Variants in ENTPD7 observed in about 807,000 individuals in gnomAD.
ENTPD7 encodes the protein ectonucleoside triphosphate diphosphohydrolase 7.
Under a neutral mutation model 77.9 loss-of-function variants are expected in ENTPD7, and 53 were observed. That is an observed-to-expected ratio of 0.68 (90% CI 0.55 to 0.85). ENTPD7 has a LOEUF of 0.85. Among genes scored for constraint, ENTPD7 ranks in the 40% least tolerant of loss-of-function variants. The pLI is 0.00. For missense variants in ENTPD7, 636 were observed against 743.7 expected (o/e 0.86, Z 1.68); for synonymous variants, 248 against 274.9 (o/e 0.90, Z 0.97).
chr10:99,688,588 T>G, intron 6 of ENTPD7, 106 bp from the exon 7 acceptor site: 1 of 996,166 alleles, frequency 1.0e-6, no homozygotes, highest in Non-Finnish European at 1.5e-6. Context: ...TAAAATACTA[T>G]GATTACTTTT....
At chr10:99,671,277 A>C (rs2035616691) in intron 3 of ENTPD7, among the ~76,000 whole-genome samples, 1 of 152,158 alleles carries the variant, frequency 6.6e-6, no homozygotes, top group Non-Finnish European at 1.5e-5. Flanking sequence ...CTAAGCTTTG[A>C]AATTTTTAAA....
intron 8 of ENTPD7, among the ~76,000 whole-genome samples, chr10:99,695,608 A>AT (rs11422266): frequency 0.43 from 64,961 of 151,960 alleles, 14,386 homozygotes; most frequent in Middle Eastern, 0.64. Context: ...TTATTAAAGG[A>AT]TGTTTTCCTA....
intron 3 of ENTPD7, among the ~76,000 whole-genome samples, chr10:99,678,776 C>CA (rs11444813): frequency 0.84 from 105,420 of 126,058 alleles, 44,047 homozygotes; most frequent in Middle Eastern, 0.93. Context: ...GACTCCGTCT[C>CA]AAAAAAAAAA....
chr10:99,669,459 T>C (rs2035591157), intron 3 of ENTPD7, among the ~76,000 whole-genome samples: 1 of 152,162 alleles, frequency 6.6e-6, no homozygotes, highest in African/African-American at 2.4e-5. Context: ...ACATTTTTTT[T>C]CTTTATTGTG....
chr10:99,691,031 G>C (rs935169530), intron 7 of ENTPD7, among the ~76,000 whole-genome samples: 1 of 152,106 alleles, frequency 6.6e-6, no homozygotes, highest in Non-Finnish European at 1.5e-5. Context: ...CTGTCACTGA[G>C]GCTAGAGTTT....
intron 12 of ENTPD7, 54 bp downstream of exon 12, chr10:99,702,727 G>A: frequency 6.7e-7 from 1 of 1,483,470 alleles, no homozygotes; most frequent in Admixed American, 2.5e-5. Flanking sequence ...ATCAGTTGAT[G>A]CCTCAGAATC....
At chr10:99,702,480 T>G in intron 11 of ENTPD7, 32 bp from the exon 12 acceptor site, 2 of 1,505,762 alleles carry the variant, frequency 1.3e-6, no homozygotes, top group East Asian at 5.0e-5. Context: ...TCTTTTCTCT[T>G]TTTTTAAAAT....
chr10:99,679,294 T>G lies in ENTPD7; in HGVS notation c.225T>G (p.Thr75=), dbSNP rs781127847. The G allele has an allele frequency of 2.5e-6, 4 of 1,614,088 alleles. No individual in the cohort carries two copies. In the Admixed American group the frequency reaches 6.7e-5, roughly 27 times the overall value. ...YLARVGELEA[T]DTEDPNLNYG... ...CTCGAGTAGGGGAGCTTGAAGCTAC[T>G]GACACTGAAGACCCAAATCTGAATT... The change falls in exon 4 of 13, where the codon ACT becomes ACG. Residue 75 remains threonine (T), a synonymous_variant. Transcript: ENST00000370489.
rs1564625688 is a variant in ENTPD7, at chr10:99,661,563, A to G, written c.126A>G (p.Leu42=). Residue 42 remains leucine, a synonymous_variant, in exon 3 of 13, where the codon TTA becomes TTG. Coordinates refer to ENST00000370489, the MANE Select transcript of ENTPD7 (RefSeq NM_020354.5). The part of the protein sequence containing the change: ...LGLFFISCLL[L]LMLIIDFRHW... ...TCTTCTTCATATCCTGTCTCCTTTT[A>G]CTTATGTTAATCATAGACTTTCGAC... is the stretch of plus-strand genomic sequence containing the variant. The G allele has an allele frequency of 4.3e-6, 7 of 1,613,654 alleles. No individual in the cohort carries two copies. Among genetic ancestry groups the G allele is most frequent in the Non-Finnish European group, 5.1e-6 (6 of 1,179,888 alleles).
At chr10:99,703,840 G>A (rs1450323116) in intron 12 of ENTPD7, among the ~76,000 whole-genome samples, 1 of 152,112 alleles carries the variant, frequency 6.6e-6, no homozygotes, top group Non-Finnish European at 1.5e-5. Flanking sequence ...TCCTGCCTCA[G>A]CCTTCTGAGT....
At chr10:99,685,764 C>T in intron 5 of ENTPD7, 28 bp from the exon 6 acceptor site, 2 of 1,561,822 alleles carry the variant, frequency 1.3e-6, no homozygotes, top group Non-Finnish European at 1.8e-6. Flanking sequence ...TAGTGACTAA[C>T]TTTGGGATTT....
intron 5 of ENTPD7, among the ~76,000 whole-genome samples, chr10:99,685,497 G>A (rs1490709675): frequency 2.0e-5 from 3 of 152,180 alleles, no homozygotes; most frequent in South Asian, 4.1e-4. Flanking sequence ...CTCAGCCTGT[G>A]AGAGTCATAG....
chr10:99,704,367 C>T (rs1339144366), intron 12 of ENTPD7, 85 bp from the exon 13 acceptor site: 1 of 1,306,010 alleles, frequency 7.7e-7, no homozygotes, highest in Non-Finnish European at 1.1e-6. Flanking sequence ...AATGTGATAA[C>T]ACTACTGGGC....
intron 3 of ENTPD7, among the ~76,000 whole-genome samples, chr10:99,671,434 T>C (rs1200386393): frequency 8.5e-6 from 1 of 117,522 alleles, no homozygotes; most frequent in East Asian, 2.5e-4. Context: ...TAAAACTTAT[T>C]TGTTAGAAAT....
At chr10:99,699,131 A>G (rs548681448) in intron 10 of ENTPD7, among the ~76,000 whole-genome samples, 1 of 152,302 alleles carries the variant, frequency 6.6e-6, no homozygotes, top group African/African-American at 2.4e-5. Flanking sequence ...GTGTTGGCTA[A>G]TGGTTTTTCT....
intron 3 of ENTPD7, 125 bp from the exon 4 acceptor site, chr10:99,679,136 C>G: frequency 1.2e-6 from 1 of 820,520 alleles, no homozygotes; most frequent in Non-Finnish European, 1.9e-6. Context: ...TTGGTTAGGA[C>G]TGGTAGTCCC....
chr10:99,668,612 G>T (rs879289364), intron 3 of ENTPD7, among the ~76,000 whole-genome samples: 59 of 152,164 alleles, frequency 3.9e-4, no homozygotes, highest in Non-Finnish European at 7.8e-4. Flanking sequence ...CTAATCAAAT[G>T]TCAATCTATT....
At chr10:99,676,245 T>G (rs887682990) in intron 3 of ENTPD7, among the ~76,000 whole-genome samples, 3 of 152,074 alleles carry the variant, frequency 2.0e-5, no homozygotes, top group African/African-American at 7.2e-5. Flanking sequence ...TATTTATATG[T>G]AATGAGTTTA....
chr10:99,698,554 G>T lies in ENTPD7; in HGVS notation c.1031G>T (p.Gly344Val). Residue 344 changes from glycine to valine, a missense_variant, in exon 10 of 13, where the codon GGT becomes GTT. By Grantham distance (109) the Gly-to-Val change is moderately radical. This residue lies in a region of ENTPD7 where 486 missense variants were observed against 556.5 expected (regional missense o/e 0.87). Transcript: ENST00000370489. ...NKNRLLGQKTGLSPDNPFLDP... is the reference protein window; with the variant it reads ...NKNRLLGQKTVLSPDNPFLDP... The stretch of plus-strand genomic sequence containing the variant: ...GGCAGATTGCTTGGTCAGAAGACAG[G>T]TCTGAGTCCCGACAATCCATTTCTG... 1.2e-6 allele frequency: 2 copies of T among 1,614,062 alleles called. No homozygotes were observed. Among genetic ancestry groups the T allele is most frequent in the Non-Finnish European group, 1.7e-6 (2 of 1,179,972 alleles).
Sources: allele counts gnomAD v4.1 joint callset (sites outside exome capture counted in the v4.1 genomes callset), GRCh38; gene constraint gnomAD v4.1.1; regional missense constraint gnomAD v4.1.1; transcripts MANE v1.5; gene names NCBI Gene and HGNC (gene_info 2026-07-23, HGNC 2026-07-21).